FLRT2: variants seen among roughly 807,000 people sequenced by gnomAD.
The protein encoded by FLRT2 is leucine-rich repeat transmembrane protein FLRT2.
FLRT2 carries 15 observed loss-of-function variants against 40.0 expected under a neutral mutation model. The observed-to-expected ratio is 0.38, with a 90% CI of 0.25 to 0.58. The LOEUF (loss-of-function observed/expected upper bound fraction) is 0.58, where lower values mean the gene tolerates loss of function less well. Ranked by LOEUF, FLRT2 falls within the 20% of genes least tolerant of loss-of-function variation. The pLI, the probability that FLRT2 is intolerant of heterozygous loss-of-function variation, is 0.71. For synonymous variants in FLRT2, 380 were observed against 336.8 expected, an observed-to-expected ratio of 1.13 and a Z score of -1.41; for missense variants, 726 against 840.0, an observed-to-expected ratio of 0.86 and a Z score of 1.68.
intron 1 of FLRT2, among the ~76,000 whole-genome samples, chr14:85,588,698 A>T (rs1031539478): frequency 6.6e-6 from 1 of 152,088 alleles, no homozygotes; most frequent in East Asian, 1.9e-4. Context: ...GTGCTGTCAA[A>T]TAGGTCTTAT....
Position 85,621,640 on chromosome 14 carries a change from C to T in FLRT2, c.126C>T (p.Cys42=), listed in dbSNP as rs369272849. ...KLLACPSVCR[C]DRNFVYCNER... is the part of the protein sequence containing the mutation. ...TGGCCTGCCCTAGTGTGTGCCGCTG[C>T]GACAGGAACTTTGTCTACTGTAATG... The change falls in exon 2 of 2, where the codon TGC becomes TGT. Residue 42 remains cysteine, a synonymous_variant. Coordinates refer to ENST00000330753, the MANE Select transcript of FLRT2 (RefSeq NM_013231.6). The T allele has an allele frequency of 6.0e-5, 97 of 1,614,078 alleles. No homozygotes were observed. The East Asian group carries it at 6.7e-4, about 11-fold the overall frequency.
rs186377750 is a variant in FLRT2 at position 85,572,429 on chromosome 14, G to A, written c.-377+41895G>A. ...TCATTAACTTCTCAAGCAGGTATGC[G>A]TTATCTCCTCAACCCAGACATGGGG... On this transcript the variant is annotated intron_variant, in intron 1 of 1. Transcript: ENST00000330753. Among the ~76,000 whole-genome samples the A allele has an allele frequency of 1.7e-4, 26 of 152,252 alleles. No individual in the cohort carries two copies. The East Asian group carries it at 4.3e-3, about 25-fold the overall frequency.
In FLRT2 at chr14:85,621,395, C is replaced by G; in HGVS notation, c.-120C>G. 3.5e-6 allele frequency: 3 copies of G among 862,580 alleles called. No homozygotes were observed. Among genetic ancestry groups the G allele is most frequent in the Non-Finnish European group, 5.2e-6 (3 of 572,210 alleles). The allele number at this position is 862,580 out of a possible 1,614,324, so 53.4% of individuals were successfully genotyped here. ...TTTTACCATACGCCCTCAGGACGTT[C>G]CCTCTAGCTGGAGTTCTGGACTTCA... On this transcript the variant is annotated 5_prime_UTR_variant, in exon 2 of 2. Coordinates refer to ENST00000330753, the MANE Select transcript of FLRT2 (RefSeq NM_013231.6).
chr14:85,541,551 G>A (rs746198225), intron 1 of FLRT2, among the ~76,000 whole-genome samples: 1 of 152,180 alleles, frequency 6.6e-6, no homozygotes, highest in Non-Finnish European at 1.5e-5. Flanking sequence ...AAATGGAGGA[G>A]TAGCTCTTTC....
Position 85,638,545 on chromosome 14 carries a change from T to G in FLRT2, c.*15048T>G, listed in dbSNP as rs1894066060. ...AAAACCCTCCCAAGTAAGCCTCTTGTATGCTACTCTGTCTCAGAGTCCATT... is the reference window on the plus strand; with the variant it reads ...AAAACCCTCCCAAGTAAGCCTCTTGGATGCTACTCTGTCTCAGAGTCCATT... On this transcript the variant is annotated 3_prime_UTR_variant, in exon 2 of 2. Transcript: ENST00000330753. The G allele has an allele frequency of 6.6e-6, 1 of 152,246 alleles. No homozygotes were observed. Among genetic ancestry groups the G allele is most frequent in the African/African-American group, 2.4e-5 (1 of 41,452 alleles). The allele number at this position is 152,246 out of a possible 1,614,324, so 9.4% of individuals were successfully genotyped here. A position where few individuals can be genotyped will look rare whatever the true frequency, so the allele number is the denominator to read the frequency against.
chr14:85,634,632 T>C lies in FLRT2; in HGVS notation c.*11135T>C, dbSNP rs1464596503. ...TCTACATCTAAATTTAAATCCTGGC[T>C]CATACTAACCTTGGTCCTTGGGCAT... On this transcript the variant is annotated 3_prime_UTR_variant, in exon 2 of 2. Coordinates refer to ENST00000330753, the MANE Select transcript of FLRT2 (RefSeq NM_013231.6). The C allele has an allele frequency of 6.6e-6, 1 of 152,238 alleles. No homozygotes were observed. Among genetic ancestry groups the C allele is most frequent in the African/African-American group, 2.4e-5 (1 of 41,462 alleles). 9.4% of individuals were successfully genotyped at this position (152,238 alleles called of 1,614,324 possible).
intron 1 of FLRT2, among the ~76,000 whole-genome samples, chr14:85,590,312 G>A (rs909108135): frequency 7.2e-5 from 11 of 152,046 alleles, no homozygotes; most frequent in East Asian, 1.9e-4. Flanking sequence ...TGCCCTAGAC[G>A]AATTTCCTTC....
chr14:85,621,669 G>A lies in FLRT2; in HGVS notation c.155G>A (p.Arg52Gln). Residue 52 changes from arginine to glutamine, a missense_variant, in exon 2 of 2, where the codon CGA becomes CAA. Arg to Gln is a conservative substitution (Grantham distance 43). Coordinates refer to ENST00000330753, the MANE Select transcript of FLRT2 (RefSeq NM_013231.6). ...AGGAACTTTGTCTACTGTAATGAGC[G>A]AAGCTTGACCTCAGTGCCTCTTGGG... Reference protein sequence around the residue: ...CDRNFVYCNERSLTSVPLGIP... With the variant: ...CDRNFVYCNEQSLTSVPLGIP... 3 of 1,614,110 alleles carry A rather than the reference G, an allele frequency of 1.9e-6. No homozygotes were observed. The highest frequency in any genetic ancestry group is 2.2e-5 in the East Asian group (1 of 44,856).
In FLRT2 at chr14:85,627,451, T is replaced by A. The variant is rs1333892725; in HGVS notation, c.*3954T>A. The A allele has an allele frequency of 1.8e-5, 3 of 167,096 alleles. No individual in the cohort carries two copies. Among genetic ancestry groups the A allele is most frequent in the Admixed American group, 1.3e-4 (2 of 15,276 alleles). 10.4% of individuals were successfully genotyped at this position (167,096 alleles called of 1,614,324 possible). ...GAGTTTTGTATATGTCTGATACCGT[T>A]GTTATAACAAAACAAATTTTTTTAC... is the stretch of plus-strand genomic sequence containing the variant. On this transcript the variant is annotated 3_prime_UTR_variant, in exon 2 of 2. Transcript: ENST00000330753.
At chr14:85,617,161 T>C (rs1893174914) in intron 1 of FLRT2, among the ~76,000 whole-genome samples, 1 of 152,146 alleles carries the variant, frequency 6.6e-6, no homozygotes, top group Non-Finnish European at 1.5e-5. Context: ...AAAATGTCAG[T>C]AGTGCTTAGG....
chr14:85,606,327 A>G (rs973647417), intron 1 of FLRT2, among the ~76,000 whole-genome samples: 6 of 152,142 alleles, frequency 3.9e-5, no homozygotes, highest in South Asian at 2.1e-4. Context: ...TATTGGTAGG[A>G]AATTTTCTGC....
intron 1 of FLRT2, among the ~76,000 whole-genome samples, chr14:85,549,394 C>T (rs1889476648): frequency 6.6e-6 from 1 of 152,126 alleles, no homozygotes; most frequent in East Asian, 1.9e-4. Flanking sequence ...CTGGCCTCTG[C>T]ACCTGCTCAC....
chr14:85,543,685 C>T (rs1318742383), intron 1 of FLRT2, among the ~76,000 whole-genome samples: 1 of 152,114 alleles, frequency 6.6e-6, no homozygotes, highest in Non-Finnish European at 1.5e-5. Context: ...TCCCCTGTAC[C>T]CTCATGCCAA....
rs1893725582 is a variant in FLRT2, at chr14:85,627,278, T to G, written c.*3781T>G. 6.0e-6 allele frequency: 1 copy of G among 167,042 alleles called. No individual in the cohort carries two copies. Among genetic ancestry groups the G allele is most frequent in the Non-Finnish European group, 1.5e-5 (1 of 68,114 alleles). The allele number at this position is 167,042 out of a possible 1,614,324, so 10.3% of individuals were successfully genotyped here. ...CAGAACAAAACAGTTCTTGGTCTTG[T>G]TCTTGGTCTTGTCAAACCTTGCCTG... On this transcript the variant is annotated 3_prime_UTR_variant, in exon 2 of 2. Transcript: ENST00000330753.
At chr14:85,568,242 G>T (rs1416837684) in intron 1 of FLRT2, among the ~76,000 whole-genome samples, 2 of 152,004 alleles carry the variant, frequency 1.3e-5, no homozygotes, top group African/African-American at 4.8e-5. Flanking sequence ...GGAAGATCAT[G>T]GGGCTTGGAG....
chr14:85,603,154 C>T lies in FLRT2; in HGVS notation c.-376-17985C>T, dbSNP rs150012475. On this transcript the variant is annotated intron_variant, in intron 1 of 1. Transcript: ENST00000330753. ...TTATTAATTGGGCTTTCATCCTTGC[C>T]GTCCTCTCTCCTAAATAATGTGCAA... Among the ~76,000 whole-genome samples the T allele has an allele frequency of 3.9e-4, 59 of 152,118 alleles. No individual in the cohort carries two copies. In the East Asian group the frequency reaches 9.7e-3, roughly 25 times the overall value.
In FLRT2 at chr14:85,622,143, T is replaced by C; in HGVS notation, c.629T>C (p.Ile210Thr). 6.2e-7 allele frequency: 1 copy of C among 1,614,122 alleles called. No individual in the cohort carries two copies. The highest frequency in any genetic ancestry group is 8.5e-7 in the Non-Finnish European group (1 of 1,180,010). Residue 210 changes from isoleucine (I) to threonine (T), a missense_variant, in exon 2 of 2, where the codon ATT becomes ACT. Physicochemically the swap from Ile to Thr is moderately conservative, Grantham distance 89. This residue lies in a region of FLRT2 where 611 missense variants were observed against 690.0 expected (regional missense o/e 0.89). Transcript: ENST00000330753. The part of the protein sequence containing the change: ...FQNLTSLERL[I>T]VDGNLLTNKG... ...AATCTCACGAGCTTGGAGCGTCTTA[T>C]TGTGGACGGGAACCTCCTGACCAAC...
At chr14:85,577,572 T>G (rs1278414385) in intron 1 of FLRT2, among the ~76,000 whole-genome samples, 1 of 151,872 alleles carries the variant, frequency 6.6e-6, no homozygotes, top group Non-Finnish European at 1.5e-5. Context: ...ACCTTCCATG[T>G]GTGTTTTCCT....
chr14:85,617,604 A>T (rs1025100148), intron 1 of FLRT2, among the ~76,000 whole-genome samples: 12 of 152,318 alleles, frequency 7.9e-5, no homozygotes, highest in Admixed American at 2.0e-4. Flanking sequence ...GGAAATGCAA[A>T]GAAAATTTAA....
Sources: gnomAD v4.1 joint callset for allele counts (sites outside exome capture counted in the v4.1 genomes callset) on GRCh38, gnomAD v4.1.1 for gene constraint, gnomAD v4.1.1 regional missense constraint, MANE v1.5 for transcripts, NCBI Gene and HGNC (gene_info 2026-07-23, HGNC 2026-07-21) for gene names.